AFF1: variants seen among roughly 807,000 people sequenced by gnomAD.
The protein encoded by AFF1 is ALF transcription elongation factor 1.
Under a neutral mutation model 121.7 loss-of-function variants are expected in AFF1, and 48 were observed. The ratio of observed to expected loss-of-function variants is 0.39; its 90% confidence interval spans 0.31 to 0.50. AFF1 has a LOEUF of 0.50. Among genes scored for constraint, AFF1 ranks in the 20% least tolerant of loss-of-function variants. AFF1 has a pLI of 0.76. For synonymous variants in AFF1, 613 were observed against 563.0 expected (o/e 1.09, Z -1.26); for missense variants, 1,523 against 1,511.7 (o/e 1.01, Z -0.12).
intron 6 of AFF1, among the ~76,000 whole-genome samples, chr4:87,091,290 C>A (rs1724283850): frequency 6.6e-6 from 1 of 152,088 alleles, no homozygotes; most frequent in South Asian, 2.1e-4. Flanking sequence ...GTAGTCCCAG[C>A]TACTGGAGAG....
intron 2 of AFF1, among the ~76,000 whole-genome samples, chr4:86,978,944 A>G (rs1363928423): frequency 2.0e-5 from 3 of 152,168 alleles, no homozygotes; most frequent in Non-Finnish European, 2.9e-5. Context: ...TTGACCAGGT[A>G]TAACTCTTTG....
At chr4:86,963,405 G>A (rs927349015) in intron 2 of AFF1, among the ~76,000 whole-genome samples, 1 of 152,082 alleles carries the variant, frequency 6.6e-6, no homozygotes, top group Non-Finnish European at 1.5e-5. Flanking sequence ...GAGAGGGGAT[G>A]GGAAGAAAAA....
chr4:87,063,542 T>A (rs563931637), intron 4 of AFF1, among the ~76,000 whole-genome samples: 10 of 152,184 alleles, frequency 6.6e-5, no homozygotes, highest in Admixed American at 5.9e-4. Flanking sequence ...CCCGGCCAGA[T>A]CCACCTCTTT....
intron 4 of AFF1, among the ~76,000 whole-genome samples, chr4:87,076,659 T>G (rs902114267): frequency 6.6e-6 from 1 of 152,226 alleles, no homozygotes; most frequent in African/African-American, 2.4e-5. Context: ...ATGGCTGTTT[T>G]TTGTTGTTGT....
At chr4:87,132,491 T>C in intron 19 of AFF1, 83 bp downstream of exon 19, 3 of 1,382,806 alleles carry the variant, frequency 2.2e-6, no homozygotes, top group Non-Finnish European at 9.7e-7. Context: ...ATTTGTATGC[T>C]TACATATGTC....
At position 87,127,144 on chromosome 4, in the gene AFF1, CTCTGT is replaced by C. The variant is rs765706880; in HGVS notation, c.2903+29_2903+33del. ...TAAGACTTCAGATGATTTCTTCTTG[CTCTGT>C]TTTGTTTTGTTTTGCTTCCCCCCCC... On this transcript the variant is annotated intron_variant, in intron 15 of 20. Coordinates refer to ENST00000395146, the MANE Select transcript of AFF1 (RefSeq NM_001166693.3). 5 of 1,513,456 alleles carry C rather than the reference CTCTGT, an allele frequency of 3.3e-6. No individual in the cohort carries two copies. The Admixed American group carries it at 5.1e-5, about 16-fold the overall frequency. The allele number at this position is 1,513,456 out of a possible 1,614,324, so 93.8% of individuals were successfully genotyped here.
rs951111481 is a variant in AFF1 at position 87,027,452 on chromosome 4, T to C, written c.39-18714T>C. ...TTCCTTCCAAAGATTTGCTATAATA[T>C]TTCATAGATAAATTTGTGCTTCCAA... On this transcript the variant is annotated intron_variant, in intron 2 of 20. Coordinates refer to ENST00000395146, the MANE Select transcript of AFF1 (RefSeq NM_001166693.3). 2.6e-5 allele frequency among the ~76,000 whole-genome samples: 4 copies of C among 152,228 alleles called. 1 individual carries two copies. Among genetic ancestry groups the C allele is most frequent in the Non-Finnish European group, 2.9e-5 (2 of 68,040 alleles).
intron 2 of AFF1, among the ~76,000 whole-genome samples, chr4:86,964,435 C>CTTTT (rs567637293): frequency 1.6e-5 from 2 of 127,506 alleles, no homozygotes; most frequent in Non-Finnish European, 3.3e-5. Context: ...TTCTATACAT[C>CTTTT]TTTTTTTTTT....
intron 4 of AFF1, among the ~76,000 whole-genome samples, chr4:87,053,096 A>G (rs191696613): frequency 2.0e-5 from 3 of 152,308 alleles, no homozygotes; most frequent in East Asian, 3.9e-4. Context: ...ACTGAAAATA[A>G]TTTGGGATTT....
chr4:87,127,264 G>T (rs1728371426), intron 15 of AFF1, 147 bp downstream of exon 15: 1 of 700,572 alleles, frequency 1.4e-6, no homozygotes, highest in South Asian at 1.8e-5. Flanking sequence ...GGGTTCAAGT[G>T]ATTCTCCTGC....
rs1328554443 is a variant in AFF1 at position 87,096,388 on chromosome 4, G to A, written c.1283+1419G>A. 7.0e-5 allele frequency among the ~76,000 whole-genome samples: 9 copies of A among 129,094 alleles called. No individual in the cohort carries two copies. The South Asian group carries it at 1.6e-3, about 22-fold the overall frequency. The allele number at this position is 129,094 out of a possible 152,430, so 84.7% of individuals were successfully genotyped here. A position where few individuals can be genotyped will look rare whatever the true frequency, so the allele number is the denominator to read the frequency against. On this transcript the variant is annotated intron_variant, in intron 8 of 20. Coordinates refer to ENST00000395146, the MANE Select transcript of AFF1 (RefSeq NM_001166693.3). ...GACTACAGACTACAGGGACACACCC[G>A]GCTTTTTTTTTTTTTTTTTTTTTGG... is the stretch of plus-strand genomic sequence containing the variant.
intron 2 of AFF1, among the ~76,000 whole-genome samples, chr4:87,019,497 G>T (rs1047746553): frequency 6.6e-6 from 1 of 152,190 alleles, no homozygotes; most frequent in African/African-American, 2.4e-5. Flanking sequence ...AAGGGTGTTG[G>T]TTGATTTAGA....
chr4:86,987,927 T>TGG (rs1013460585), intron 2 of AFF1, among the ~76,000 whole-genome samples: 1 of 133,064 alleles, frequency 7.5e-6, no homozygotes, highest in African/African-American at 2.8e-5. Flanking sequence ...CACTTCAGCT[T>TGG]GGGGGACAGA....
chr4:86,956,872 T>C (rs2149462094), intron 2 of AFF1, among the ~76,000 whole-genome samples: 1 of 152,236 alleles, frequency 6.6e-6, no homozygotes, highest in East Asian at 1.9e-4. Flanking sequence ...ATGTTCCACA[T>C]ATGTTTTTAT....
rs137978673 is a variant in AFF1 at position 87,139,203 on chromosome 4, C to T, written c.*3502C>T. ...TTTGAGTGAACCCAGTTTTTAAATA[C>T]CGCTGTGTTTGTTTCGCCATGGCTT... On this transcript the variant is annotated 3_prime_UTR_variant, in exon 21 of 21. Coordinates refer to ENST00000395146, the MANE Select transcript of AFF1 (RefSeq NM_001166693.3). The T allele has an allele frequency of 1.4e-3, 325 of 231,728 alleles. 5 individuals carry two copies. In the East Asian group the frequency reaches 0.017, roughly 12 times the overall value. The allele number at this position is 231,728 out of a possible 1,614,324, so 14.4% of individuals were successfully genotyped here.
chr4:86,977,805 G>A (rs1167941654), intron 2 of AFF1, among the ~76,000 whole-genome samples: 1 of 152,208 alleles, frequency 6.6e-6, no homozygotes. Context: ...AGGTTTACCA[G>A]GGAGTTGCCC....
chr4:87,123,956 T>G (rs1479167663), intron 12 of AFF1, among the ~76,000 whole-genome samples: 2 of 152,200 alleles, frequency 1.3e-5, no homozygotes, highest in Non-Finnish European at 2.9e-5. Context: ...TAAATGCACA[T>G]GAGAATTAAT....
chr4:87,099,965 T>A (rs1012974274), intron 8 of AFF1, among the ~76,000 whole-genome samples: 1 of 152,136 alleles, frequency 6.6e-6, no homozygotes, highest in African/African-American at 2.4e-5. Context: ...CTTGACAGAT[T>A]ATGCTGTAGG....
intron 2 of AFF1, among the ~76,000 whole-genome samples, chr4:86,958,277 T>C (rs1436530255): frequency 6.6e-6 from 1 of 151,668 alleles, no homozygotes; most frequent in Admixed American, 6.6e-5. Flanking sequence ...GTATTTTTAG[T>C]AGAAACGGGG....
Sources: gnomAD v4.1 joint callset for allele counts (sites outside exome capture counted in the v4.1 genomes callset) on GRCh38, gnomAD v4.1.1 for gene constraint, MANE v1.5 for transcripts, NCBI Gene and HGNC (gene_info 2026-07-23, HGNC 2026-07-21) for gene names.